The following XPO6 variants were observed in gnomAD, a reference collection of about 807,000 sequenced individuals.
XPO6 encodes the protein exportin 6.
A neutral mutation model predicts 130.0 loss-of-function variants in XPO6; 3 were observed. The ratio of observed to expected loss-of-function variants is 0.02; its 90% CI spans 0.01 to 0.06. XPO6 has a LOEUF of 0.06. Among genes scored for constraint, XPO6 ranks in the 10% least tolerant of loss-of-function variants. The pLI is 1.00. For missense variants in XPO6, 970 were observed against 1,393.0 expected (o/e 0.70, Z 4.83); for synonymous variants, 524 against 548.9 (o/e 0.95, Z 0.63).
intron 14 of XPO6, among the ~76,000 whole-genome samples, chr16:28,117,974 G>A (rs1228990798): frequency 1.3e-5 from 2 of 152,160 alleles, no homozygotes; most frequent in Non-Finnish European, 2.9e-5. Context: ...TTCAGCAAAG[G>A]CTGTACTGAC....
intron 20 of XPO6, chr16:28,105,772 A>C (rs17590103): frequency 0.031 from 13,140 of 421,814 alleles, 292 homozygotes; most frequent in Non-Finnish European, 0.042. Context: ...AGAGTCTCTT[A>C]AAGGTATAAA....
At chr16:28,155,992 T>C in intron 7 of XPO6, 82 bp downstream of exon 7, 16 of 1,512,570 alleles carry the variant, frequency 1.1e-5, no homozygotes, top group Non-Finnish European at 1.3e-5. Context: ...TCAAAGAGGA[T>C]TACAGATGCC....
Position 28,104,560 on chromosome 16 carries a change from T to C in XPO6, c.2932A>G (p.Ser978Gly). 6.2e-7 allele frequency: 1 copy of C among 1,614,174 alleles called. No individual in the cohort carries two copies. Among genetic ancestry groups the C allele is most frequent in the Non-Finnish European group, 8.5e-7 (1 of 1,180,008 alleles). The change falls in exon 21 of 24, where the codon AGT (serine) becomes GGT (glycine). Residue 978 changes from serine (S) to glycine (G), a missense_variant. Physicochemically the swap from Ser to Gly is moderately conservative, Grantham distance 56. This residue lies in a region of XPO6 where 936 missense variants were observed against 1,306.8 expected (regional missense o/e 0.72). Transcript: ENST00000304658. ...CCCCACGTTACCTGCATGATGGCAC[T>C]GAACTGGGGCTCATTCTCCATCTGC... The part of the protein sequence containing the change: ...EEQMENEPQF[S>G]AIMQAFGQSF...
intron 9 of XPO6, among the ~76,000 whole-genome samples, chr16:28,138,555 GGTGGAGAAAGTATATGGCT>G (rs1367812248): frequency 1.3e-5 from 2 of 152,108 alleles, no homozygotes; most frequent in Non-Finnish European, 2.9e-5. Flanking sequence ...TCATGTGGGA[GGTGGAGAAAGTATATGGCT>G]GTGGCAGACA....
chr16:28,163,252 T>C (rs1342763971), intron 6 of XPO6, among the ~76,000 whole-genome samples: 1 of 152,232 alleles, frequency 6.6e-6, no homozygotes, highest in East Asian at 1.9e-4. Context: ...ATACAAGGAA[T>C]ACATGAAAAG....
At chr16:28,150,970 C>CT (rs1349190653) in intron 8 of XPO6, among the ~76,000 whole-genome samples, 1 of 151,992 alleles carries the variant, frequency 6.6e-6, no homozygotes, top group Non-Finnish European at 1.5e-5. Flanking sequence ...CCTGACACCT[C>CT]TGAGCTTCTT....
chr16:28,157,924 C>T (rs563587544), intron 6 of XPO6, among the ~76,000 whole-genome samples: 66 of 152,330 alleles, frequency 4.3e-4, no homozygotes, highest in Admixed American at 3.7e-3. Context: ...AACCCTCACA[C>T]GGGTCCATGA....
intron 6 of XPO6, among the ~76,000 whole-genome samples, chr16:28,158,276 G>C (rs1280436811): frequency 6.6e-6 from 1 of 152,142 alleles, no homozygotes; most frequent in Non-Finnish European, 1.5e-5. Context: ...TATTTTTAAA[G>C]GAATACTAAG....
intron 9 of XPO6, among the ~76,000 whole-genome samples, chr16:28,140,211 G>A (rs1330259837): frequency 1.5e-5 from 2 of 133,774 alleles, no homozygotes; most frequent in Admixed American, 8.1e-5. Context: ...CAGCCTGGGT[G>A]ACAGAGCAAG....
At chr16:28,209,640 CAAAA>C (rs200663753) in intron 1 of XPO6, among the ~76,000 whole-genome samples, 1 of 43,010 alleles carries the variant, frequency 2.3e-5, no homozygotes. Flanking sequence ...AACTCCATCT[CAAAA>C]AAAAAAAAAA....
intron 9 of XPO6, among the ~76,000 whole-genome samples, chr16:28,139,238 A>AGGAAAGGGAGGGAG (rs1401003835): frequency 1.3e-5 from 2 of 152,222 alleles, no homozygotes; most frequent in East Asian, 3.8e-4. Flanking sequence ...ACATGCACAC[A>AGGAAAGGGAGGGAG]AGAAAGGCCA....
At chr16:28,187,648 T>C (rs1366384839) in intron 1 of XPO6, among the ~76,000 whole-genome samples, 5 of 150,052 alleles carry the variant, frequency 3.3e-5, no homozygotes, top group Non-Finnish European at 7.4e-5. Context: ...TAGGCTTCTC[T>C]ACCCAGAACA....
At chr16:28,145,971 A>G (rs952247468) in intron 9 of XPO6, 123 bp downstream of exon 9, 2 of 639,684 alleles carry the variant, frequency 3.1e-6, no homozygotes, top group African/African-American at 3.6e-5. Context: ...CAATGGCATT[A>G]TTGCCTAAAC....
At chr16:28,126,971 T>C (rs1400746590) in intron 12 of XPO6, among the ~76,000 whole-genome samples, 1 of 151,912 alleles carries the variant, frequency 6.6e-6, no homozygotes, top group Non-Finnish European at 1.5e-5. Flanking sequence ...TCACCAACCC[T>C]CCTCCTCACA....
chr16:28,164,130 G>A (rs1045537233), intron 6 of XPO6, among the ~76,000 whole-genome samples: 1 of 152,124 alleles, frequency 6.6e-6, no homozygotes, highest in African/African-American at 2.4e-5. Context: ...AGTATATGGG[G>A]AAAAAAACCC....
At chr16:28,158,491 T>G (rs2043218051) in intron 6 of XPO6, among the ~76,000 whole-genome samples, 1 of 152,244 alleles carries the variant, frequency 6.6e-6, no homozygotes, top group Non-Finnish European at 1.5e-5. Context: ...TTATTTTTTA[T>G]TAAAGCATAT....
chr16:28,113,506 C>G (rs150167296), intron 15 of XPO6, among the ~76,000 whole-genome samples: 35 of 152,338 alleles, frequency 2.3e-4, no homozygotes, highest in African/African-American at 6.3e-4. Context: ...CTATCAAATA[C>G]TTGGTTCAAT....
intron 1 of XPO6, among the ~76,000 whole-genome samples, chr16:28,206,586 A>G (rs1232928288): frequency 6.6e-6 from 1 of 152,088 alleles, no homozygotes; most frequent in African/African-American, 2.4e-5. Context: ...AAAAACCAAT[A>G]ACAAAAACTC....
rs56947792 is a variant in XPO6, at chr16:28,160,184, T to TA, written c.644-3658dup. 2.1e-4 allele frequency among the ~76,000 whole-genome samples: 16 copies of TA among 76,134 alleles called. 1 individual carries two copies. Among genetic ancestry groups the TA allele is most frequent in the African/African-American group, 7.1e-4 (12 of 16,990 alleles). 49.9% of individuals were successfully genotyped at this position (76,134 alleles called of 152,430 possible). A position where few individuals can be genotyped will look rare whatever the true frequency, so the allele number is the denominator to read the frequency against. ...TGGGCAACAGAGCAAGCCTCCGTCT[T>TA]AAAAAAAAAAAAAAAAAAAAAAAAA... On this transcript the variant is annotated intron_variant, in intron 6 of 23. Transcript: ENST00000304658.
Sources: allele counts gnomAD v4.1 joint callset (sites outside exome capture counted in the v4.1 genomes callset), GRCh38; gene constraint gnomAD v4.1.1; regional missense constraint gnomAD v4.1.1; transcripts MANE v1.5; gene names NCBI Gene and HGNC (gene_info 2026-07-23, HGNC 2026-07-21).